Variants in MICAL2 observed in about 807,000 individuals in gnomAD.
The protein encoded by MICAL2 is microtubule associated monooxygenase, calponin and LIM domain containing 2.
A neutral mutation model predicts 127.3 loss-of-function variants in MICAL2; 77 were observed. The observed-to-expected ratio is 0.60, with a 90% CI of 0.50 to 0.73. The LOEUF (loss-of-function observed/expected upper bound fraction) is 0.73. Ranked by LOEUF, MICAL2 falls within the 30% of genes least tolerant of loss-of-function variation. The pLI, the probability that MICAL2 is intolerant of heterozygous loss-of-function variation, is 0.00. For missense variants in MICAL2, 1,351 were observed against 1,434.4 expected (o/e 0.94, Z 0.94); for synonymous variants, 570 against 551.1 (o/e 1.03, Z -0.48).
At chr11:12,249,704 C>G (rs931996405) in intron 22 of MICAL2, among the ~76,000 whole-genome samples, 2 of 152,220 alleles carry the variant, frequency 1.3e-5, no homozygotes, top group Admixed American at 1.3e-4. Flanking sequence ...GCTGCCTTAC[C>G]CACGTGGGCT....
At position 12,170,307 on chromosome 11, in the gene MICAL2, G is replaced by A. The variant is rs748060665; in HGVS notation, c.264+7888G>A. 7.9e-5 allele frequency among the ~76,000 whole-genome samples: 12 copies of A among 152,092 alleles called. No individual in the cohort carries two copies. In the South Asian group the frequency reaches 1.0e-3, roughly 13 times the overall value. On this transcript the variant is annotated intron_variant, in intron 3 of 27. Coordinates refer to ENST00000683283, the MANE Select transcript of MICAL2 (RefSeq NM_001282663.2). ...TATACAAAAAATAGAAAAATTAGCC[G>A]GGTGTGATGGTGCATGCCTGTAGTC...
At position 12,227,220 on chromosome 11, in the gene MICAL2, G is replaced by A. The variant is rs61247698; in HGVS notation, c.1995+89G>A. ...GATTGTCACATTCTCAGCCTGTTGAGGCTAGTAAGTTACATGGATCAGGCG... is the reference window on the plus strand; with the variant it reads ...GATTGTCACATTCTCAGCCTGTTGAAGCTAGTAAGTTACATGGATCAGGCG... On this transcript the variant is annotated intron_variant, in intron 15 of 27. Transcript: ENST00000683283. 1,035 of 947,822 alleles carry A rather than the reference G, an allele frequency of 1.1e-3. 4 individuals carry two copies. In the African/African-American group the frequency reaches 0.016, roughly 15 times the overall value. 58.7% of individuals were successfully genotyped at this position (947,822 alleles called of 1,614,324 possible).
In MICAL2 at chr11:12,208,130, GA is replaced by G. The variant is rs1486758560; in HGVS notation, c.584del (p.Asn195IlefsTer56). ...GGTTCTAGAGCCTCCTGAAGATCAAGAAAATCAAAGTACAGTATAATTTTCT... is the reference window on the plus strand; with the variant it reads ...GGTTCTAGAGCCTCCTGAAGATCAAGAAATCAAAGTACAGTATAATTTTCT... ...VKVLEPPEDQ[E>X]NQKIGWRAEF... is the part of the protein sequence containing the mutation. On this transcript the variant is annotated frameshift_variant, in exon 5 of 28. Transcript: ENST00000683283. LOFTEE classifies it high-confidence loss of function. The G allele has an allele frequency of 1.2e-6, 2 of 1,610,936 alleles. No homozygotes were observed. The highest frequency in any genetic ancestry group is 1.7e-6 in the Non-Finnish European group (2 of 1,177,134).
At chr11:12,255,071 A>T (rs922123930) in intron 22 of MICAL2, 2 of 153,516 alleles carry the variant, frequency 1.3e-5, no homozygotes, top group African/African-American at 4.8e-5. Flanking sequence ...GGCATGCACC[A>T]CCATGCCTGG....
intron 1 of MICAL2, among the ~76,000 whole-genome samples, chr11:12,129,819 C>T (rs1851269240): frequency 6.6e-6 from 1 of 151,932 alleles, no homozygotes; most frequent in Non-Finnish European, 1.5e-5. Flanking sequence ...ATGATCCTCC[C>T]AGTTCTGCCT....
downstream of MICAL2, among the ~76,000 whole-genome samples, chr11:12,267,225 G>A (rs1162662573): frequency 6.6e-6 from 1 of 152,142 alleles, no homozygotes; most frequent in Admixed American, 6.5e-5. Context: ...GGGGGCATAG[G>A]CTCTCACTTT....
At chr11:12,359,179 A>T (rs571236487), downstream of MICAL2, 2 of 152,692 alleles carry the variant, frequency 1.3e-5, no homozygotes, top group East Asian at 3.8e-4. Flanking sequence ...CTTTAACTTT[A>T]TGCCAGTGGG....
chr11:12,202,233 TTCTC>T (rs1854115120), intron 3 of MICAL2, among the ~76,000 whole-genome samples: 1 of 152,208 alleles, frequency 6.6e-6, no homozygotes, highest in Non-Finnish European at 1.5e-5. Context: ...TTGAGCTTCT[TTCTC>T]TTTCTCTTTG....
chr11:12,296,329 C>A (rs369771294), downstream of MICAL2, among the ~76,000 whole-genome samples: 1 of 151,410 alleles, frequency 6.6e-6, no homozygotes, highest in East Asian at 1.9e-4. Context: ...TATATTATTT[C>A]TCTTCAGTAG....
intron 3 of MICAL2, among the ~76,000 whole-genome samples, chr11:12,190,219 T>C (rs992330811): frequency 3.9e-5 from 6 of 152,126 alleles, no homozygotes; most frequent in African/African-American, 1.2e-4. Flanking sequence ...TCTCTTACTA[T>C]CTGGAAGGCC....
chr11:12,275,516 G>A (rs1040542843), upstream of MICAL2, among the ~76,000 whole-genome samples: 7 of 152,208 alleles, frequency 4.6e-5, no homozygotes, highest in African/African-American at 1.7e-4. Context: ...AGCCAGTGAA[G>A]AAGGGGCTGG....
chr11:12,344,943 T>TA (rs36008605), intron 32 of MICAL2, among the ~76,000 whole-genome samples: 313 of 148,932 alleles, frequency 2.1e-3, no homozygotes, highest in African/African-American at 5.9e-3. Flanking sequence ...CCGTCTGTAC[T>TA]AAAAAAAAAA....
intron 1 of MICAL2, among the ~76,000 whole-genome samples, chr11:12,129,185 A>G (rs1851198179): frequency 6.6e-6 from 1 of 152,200 alleles, no homozygotes; most frequent in South Asian, 2.1e-4. Flanking sequence ...AGAAGCTGTC[A>G]ATAGAGACTT....
intron 29 of MICAL2, among the ~76,000 whole-genome samples, chr11:12,312,088 C>T (rs1378473639): frequency 6.6e-6 from 1 of 151,522 alleles, no homozygotes; most frequent in Non-Finnish European, 1.5e-5. Context: ...TAATAATACT[C>T]TATGGGACTT....
At chr11:12,148,686 C>T (rs1172078323) in intron 2 of MICAL2, among the ~76,000 whole-genome samples, 6 of 152,196 alleles carry the variant, frequency 3.9e-5, no homozygotes, top group Admixed American at 3.9e-4. Flanking sequence ...GGGCACCAGG[C>T]CCCGGGGCTT....
At chr11:12,212,869 G>T (rs1855668245) in intron 6 of MICAL2, among the ~76,000 whole-genome samples, 1 of 152,188 alleles carries the variant, frequency 6.6e-6, no homozygotes, top group East Asian at 1.9e-4. Flanking sequence ...GTCAGGAGCG[G>T]TGGCACCATA....
At chr11:12,187,869 C>G (rs1412074655) in intron 3 of MICAL2, among the ~76,000 whole-genome samples, 1 of 151,934 alleles carries the variant, frequency 6.6e-6, no homozygotes, top group African/African-American at 2.4e-5. Context: ...TGCCCTTGTT[C>G]CCTGGGGTAG....
chr11:12,212,584 A>G (rs1855621930), intron 6 of MICAL2, among the ~76,000 whole-genome samples: 1 of 152,234 alleles, frequency 6.6e-6, no homozygotes, highest in Non-Finnish European at 1.5e-5. Flanking sequence ...GAACTGGTGT[A>G]CTATTTTCCT....
intron 2 of MICAL2, among the ~76,000 whole-genome samples, chr11:12,144,744 C>T (rs746461547): frequency 1.3e-5 from 2 of 152,160 alleles, no homozygotes; most frequent in African/African-American, 2.4e-5. Flanking sequence ...CTCCTCCAGT[C>T]AGTTCAGCTA....
Sources: gnomAD v4.1 joint callset for allele counts (sites outside exome capture counted in the v4.1 genomes callset) on GRCh38, gnomAD v4.1.1 for gene constraint, MANE v1.5 for transcripts, NCBI Gene and HGNC (gene_info 2026-07-23, HGNC 2026-07-21) for gene names.